DLGAP2: variants seen among roughly 807,000 people sequenced by gnomAD.
DLGAP2 encodes the protein DLG associated protein 2.
Under a neutral mutation model 100.3 loss-of-function variants are expected in DLGAP2, and 26 were observed. The ratio of observed to expected loss-of-function variants is 0.26; its 90% CI spans 0.19 to 0.36. The LOEUF (loss-of-function observed/expected upper bound fraction) is 0.36. Ranked by LOEUF, DLGAP2 falls within the 10% of genes least tolerant of loss-of-function variation. The pLI is 1.00. For missense variants in DLGAP2, 1,858 were observed against 1,453.2 expected (o/e 1.28, Z -4.53); for synonymous variants, 886 against 630.1 (o/e 1.41, Z -6.08).
chr8:1,595,390 G>A (rs942627178), intron 6 of DLGAP2, among the ~76,000 whole-genome samples: 59 of 151,926 alleles, frequency 3.9e-4, no homozygotes, highest in Admixed American at 1.5e-3. Flanking sequence ...TCGGCCGGGC[G>A]CGGTGGCTCA....
At chr8:1,651,157 C>A (rs1798153489) in intron 8 of DLGAP2, among the ~76,000 whole-genome samples, 1 of 152,246 alleles carries the variant, frequency 6.6e-6, no homozygotes, top group Admixed American at 6.5e-5. Flanking sequence ...TTTGCAAACA[C>A]TCAGACACCG....
intron 3 of DLGAP2, among the ~76,000 whole-genome samples, chr8:1,367,812 T>C (rs1374329160): frequency 2.0e-5 from 3 of 152,188 alleles, no homozygotes; most frequent in Admixed American, 2.0e-4. Flanking sequence ...AATATCAAGA[T>C]TGTATCACAA....
chr8:1,187,370 CG>C (rs1563239751), intron 2 of DLGAP2, among the ~76,000 whole-genome samples: 1 of 142,408 alleles, frequency 7.0e-6, no homozygotes, highest in African/African-American at 2.8e-5. Flanking sequence ...GAATCTCACA[CG>C]CCCGGGACCT....
chr8:1,442,515 C>G (rs1019310612), intron 3 of DLGAP2, among the ~76,000 whole-genome samples: 1 of 144,444 alleles, frequency 6.9e-6, no homozygotes, highest in Non-Finnish European at 1.5e-5. Flanking sequence ...GGCATAGACC[C>G]GCCAGGCTGC....
chr8:1,304,107 G>T (rs996826243), intron 3 of DLGAP2, among the ~76,000 whole-genome samples: 10 of 152,246 alleles, frequency 6.6e-5, no homozygotes, highest in Admixed American at 1.3e-4. Flanking sequence ...CTTCAGGGCA[G>T]AGGCCATTTT....
intron 3 of DLGAP2, among the ~76,000 whole-genome samples, chr8:1,375,174 GTTAACGACCCCTCTCCACGGCCTCAGAA>G (rs1802360890): frequency 2.2e-5 from 2 of 90,388 alleles, no homozygotes; most frequent in Admixed American, 1.1e-4. Context: ...CTACATTTGG[GTTAACGACCCCTCTCCACGGCCTCAGAA>G]CTGATCCCCC....
intron 2 of DLGAP2, among the ~76,000 whole-genome samples, chr8:1,203,786 G>A (rs1797933341): frequency 6.6e-6 from 1 of 152,150 alleles, no homozygotes; most frequent in Non-Finnish European, 1.5e-5. Context: ...TGCAGCCAAT[G>A]TCACCTAAAG....
At chr8:1,503,083 G>A (rs1030602954) in intron 4 of DLGAP2, among the ~76,000 whole-genome samples, 2 of 152,194 alleles carry the variant, frequency 1.3e-5, no homozygotes, top group African/African-American at 4.8e-5. Flanking sequence ...TGAGGCTGGG[G>A]GGCGAAGGAG....
rs139187202 is a variant in DLGAP2 at position 1,362,223 on chromosome 8, TG to T, written c.106+103343del. Among the ~76,000 whole-genome samples the T allele has an allele frequency of 1.6e-4, 24 of 152,054 alleles. No individual in the cohort carries two copies. In the East Asian group the frequency reaches 4.6e-3, roughly 29 times the overall value. Reference sequence around the variant, plus strand: ...GGTGGCAGCGAGTCCTCGGGAACTGTGGGTGGGACCTGGTGTTCCCCACAGT... The same window carrying T: ...GGTGGCAGCGAGTCCTCGGGAACTGTGGTGGGACCTGGTGTTCCCCACAGT... On this transcript the variant is annotated intron_variant, in intron 3 of 14. Coordinates refer to ENST00000637795, the MANE Select transcript of DLGAP2 (RefSeq NM_001346810.2).
At position 1,549,261 on chromosome 8, in the gene DLGAP2, C is replaced by T; in HGVS notation, c.808C>T (p.His270Tyr). Residue 270 changes from histidine to tyrosine, a missense_variant, in exon 5 of 15, where the codon CAC (histidine) becomes TAC (tyrosine). His to Tyr is a moderately conservative substitution (Grantham distance 83). Coordinates refer to ENST00000637795, the MANE Select transcript of DLGAP2 (RefSeq NM_001346810.2). ...DGRADDHHHA[H>Y]HAKHSKRSKS... ...CCGGGCGGACGACCACCACCACGCCCACCACGCCAAGCACAGCAAGAGGAG... is the reference window on the plus strand; with the variant it reads ...CCGGGCGGACGACCACCACCACGCCTACCACGCCAAGCACAGCAAGAGGAG... 3 of 1,610,860 alleles carry T rather than the reference C, an allele frequency of 1.9e-6. No homozygotes were observed. Among genetic ancestry groups the T allele is most frequent in the Non-Finnish European group, 1.7e-6 (2 of 1,179,272 alleles).
chr8:1,508,296 ACCCCCTGCAAACGCCCAC>A (rs1800008070), intron 4 of DLGAP2, among the ~76,000 whole-genome samples: 1 of 10,146 alleles, frequency 9.9e-5, no homozygotes, highest in Admixed American at 1.1e-3. Flanking sequence ...AACCCCCGCC[ACCCCCTGCAAACGCCCAC>A]CACCCCCCAC....
At chr8:1,580,955 C>T (rs1413449027) in intron 6 of DLGAP2, among the ~76,000 whole-genome samples, 1 of 151,348 alleles carries the variant, frequency 6.6e-6, no homozygotes, top group Non-Finnish European at 1.5e-5. Context: ...AAACCCTGCA[C>T]ACATCTACAC....
intron 1 of DLGAP2, among the ~76,000 whole-genome samples, chr8:856,148 C>T (rs886833887): frequency 2.7e-5 from 4 of 148,324 alleles, no homozygotes; most frequent in African/African-American, 9.9e-5. Flanking sequence ...TGTAGAAGAT[C>T]CCAAAGAAGA....
In DLGAP2 at chr8:1,280,132, C is replaced by G. The variant is rs113062747; in HGVS notation, c.106+21249C>G. The stretch of plus-strand genomic sequence containing the variant: ...CTTAACTGATCCCCAGATGTGGCTT[C>G]AGGGGTCGCATAATTCCTTTCATTC... On this transcript the variant is annotated intron_variant, in intron 3 of 14. Coordinates refer to ENST00000637795, the MANE Select transcript of DLGAP2 (RefSeq NM_001346810.2). Among the ~76,000 whole-genome samples, 1,242 of 152,256 alleles carry G rather than the reference C, an allele frequency of 8.2e-3. 9 individuals are homozygous for G. The highest frequency in any genetic ancestry group is 0.017 in the Middle Eastern group (5 of 294).
intron 5 of DLGAP2, among the ~76,000 whole-genome samples, chr8:1,554,145 A>G (rs967214218): frequency 4.6e-5 from 7 of 152,126 alleles, no homozygotes; most frequent in Non-Finnish European, 8.8e-5. Context: ...AAAACTAGCC[A>G]GGCCTGGTGA....
intron 6 of DLGAP2, among the ~76,000 whole-genome samples, chr8:1,578,215 G>C (rs117150240): frequency 1.4e-3 from 214 of 152,298 alleles, no homozygotes; most frequent in Non-Finnish European, 2.4e-3. Flanking sequence ...ATGTTTGCTT[G>C]TCTCCATGAG....
chr8:1,511,556 G>A (rs899677030), intron 4 of DLGAP2, among the ~76,000 whole-genome samples: 4 of 151,668 alleles, frequency 2.6e-5, no homozygotes, highest in South Asian at 2.1e-4. Flanking sequence ...TTCCATGGAC[G>A]TAAGTGCTGT....
At chr8:774,235 A>G (rs1257451354) in intron 1 of DLGAP2, among the ~76,000 whole-genome samples, 1 of 152,128 alleles carries the variant, frequency 6.6e-6, no homozygotes, top group Admixed American at 6.5e-5. Flanking sequence ...TTCATTGTAG[A>G]TTCTGGATAT....
intron 8 of DLGAP2, among the ~76,000 whole-genome samples, chr8:1,651,955 G>T (rs573805193): frequency 2.4e-4 from 36 of 152,294 alleles, no homozygotes; most frequent in African/African-American, 7.7e-4. Flanking sequence ...CGTCAGAGCC[G>T]GGCTGGGCAG....
Sources: gnomAD v4.1 joint callset for allele counts (sites outside exome capture counted in the v4.1 genomes callset) on GRCh38, gnomAD v4.1.1 for gene constraint, MANE v1.5 for transcripts, NCBI Gene and HGNC (gene_info 2026-07-23, HGNC 2026-07-21) for gene names.